The following DNAJC17 variants were observed in gnomAD, a reference collection of about 807,000 sequenced individuals.
The protein encoded by DNAJC17 is dnaJ homolog subfamily C member 17.
A neutral mutation model predicts 48.1 loss-of-function variants in DNAJC17; 35 were observed. The ratio of observed to expected loss-of-function variants is 0.73; its 90% confidence interval spans 0.56 to 0.96. DNAJC17 has a LOEUF of 0.96. DNAJC17 is among the 50% of genes least tolerant of loss of function. The pLI is 0.00. For synonymous variants in DNAJC17, 117 were observed against 142.7 expected, an observed-to-expected ratio of 0.82 and a Z score of 1.28; for missense variants, 355 against 377.1, an observed-to-expected ratio of 0.94 and a Z score of 0.48.
Position 40,775,537 on chromosome 15 carries a change from T to C in DNAJC17, c.522+16A>G. 1 of 1,613,498 alleles carries C rather than the reference T, an allele frequency of 6.2e-7. No homozygotes were observed. Among genetic ancestry groups the C allele is most frequent in the South Asian group, 1.1e-5 (1 of 91,042 alleles). ...GTGTGAGTGTGAGGTGGCCCACAGA[T>C]CCTGCCCAGGCTCACCTTTAGTTTG... On this transcript the variant is annotated intron_variant, in intron 7 of 10. Coordinates refer to ENST00000220496, the MANE Select transcript of DNAJC17 (RefSeq NM_018163.3).
chr15:40,775,202 C>G, intron 7 of DNAJC17, 94 bp from the exon 8 acceptor site: 1 of 1,314,452 alleles, frequency 7.6e-7, no homozygotes, highest in Non-Finnish European at 1.1e-6. Flanking sequence ...TCCTCCCACC[C>G]TCCAAGCCTC....
chr15:40,768,075 GCAGGGACAGGGAGGGGT>G lies in DNAJC17; in HGVS notation c.793-30_793-14del, dbSNP rs752093384. 5 of 1,536,922 alleles carry G rather than the reference GCAGGGACAGGGAGGGGT, an allele frequency of 3.3e-6. No homozygotes were observed. The African/African-American group carries it at 4.2e-5, about 13-fold the overall frequency. The stretch of plus-strand genomic sequence containing the variant: ...ACAGCACTGAGCCCTGTCGGACAGG[GCAGGGACAGGGAGGGGT>G]CAGGGACAGCAGGGCACAGCCTCAC... On this transcript the variant is annotated splice_polypyrimidine_tract_variant and intron_variant, in intron 10 of 10. Transcript: ENST00000220496.
chr15:40,780,636 A>G, intron 1 of DNAJC17: 1 of 317,836 alleles, frequency 3.1e-6, no homozygotes, highest in Non-Finnish European at 6.2e-6. Flanking sequence ...TAACATAGTG[A>G]AACTCCATCT....
intron 10 of DNAJC17, chr15:40,771,345 C>T: frequency 2.6e-6 from 1 of 390,000 alleles, no homozygotes; most frequent in Non-Finnish European, 4.9e-6. Context: ...CTCTGTGCGG[C>T]ACTACAGGAA....
At chr15:40,804,402 A>AC (rs1890150714) in intron 1 of DNAJC17, among the ~76,000 whole-genome samples, 2 of 149,608 alleles carry the variant, frequency 1.3e-5, no homozygotes, top group South Asian at 2.1e-4. Context: ...ATATAGCTGG[A>AC]CCCCGTCTCT....
rs1347703158 is a variant in DNAJC17, at chr15:40,765,664, C to T, written c.*2276G>A. On this transcript the variant is annotated 3_prime_UTR_variant, in exon 11 of 11. Transcript: ENST00000220496. ...TGCTCCTCCTGATCATTGATGGGCTCCACCCCTTCACAGCTTGTGCTCAGC... is the reference window on the plus strand; with the variant it reads ...TGCTCCTCCTGATCATTGATGGGCTTCACCCCTTCACAGCTTGTGCTCAGC... 4.9e-6 allele frequency: 2 copies of T among 412,120 alleles called. No individual in the cohort carries two copies. The highest frequency in any genetic ancestry group is 8.7e-6 in the Non-Finnish European group (2 of 230,682). 25.5% of individuals were successfully genotyped at this position (412,120 alleles called of 1,614,324 possible). A position where few individuals can be genotyped will look rare whatever the true frequency, so the allele number is the denominator to read the frequency against.
intron 1 of DNAJC17, among the ~76,000 whole-genome samples, chr15:40,787,915 A>C (rs1396074891): frequency 6.6e-6 from 1 of 152,216 alleles, no homozygotes; most frequent in African/African-American, 2.4e-5. Flanking sequence ...TATTTTTTAA[A>C]AGGTTGCTGT....
chr15:40,774,419 G>T lies in DNAJC17; in HGVS notation c.618C>A (p.Asn206Lys), dbSNP rs1047029408. 5 of 1,614,048 alleles carry T rather than the reference G, an allele frequency of 3.1e-6. No individual in the cohort carries two copies. ...RLLQKYGEVL[N>K]LVLSSKKPGT... The stretch of plus-strand genomic sequence containing the variant: ...CTGGCTTCTTACTGGAAAGCACCAG[G>T]TTGAGAACCTCACCATACTGTGGGG... The change falls in exon 9 of 11, where the codon AAC (asparagine) becomes AAA (lysine). Residue 206 changes from asparagine to lysine, a missense_variant. This residue lies in a region of DNAJC17 where 68 missense variants were observed against 109.5 expected (regional missense o/e 0.62). Coordinates refer to ENST00000220496, the MANE Select transcript of DNAJC17 (RefSeq NM_018163.3).
chr15:40,792,580 C>A (rs578030794), intron 1 of DNAJC17: 31 of 968,084 alleles, frequency 3.2e-5, no homozygotes, highest in Non-Finnish European at 3.8e-5. Context: ...TTTGGGAGGC[C>A]GAGGCAGGAG....
At chr15:40,791,786 A>G (rs1341624903) in intron 1 of DNAJC17, among the ~76,000 whole-genome samples, 1 of 152,198 alleles carries the variant, frequency 6.6e-6, no homozygotes, top group African/African-American at 2.4e-5. Context: ...CGGAGGTTGC[A>G]GTGAGCCAAG....
In DNAJC17 at chr15:40,768,007, T is replaced by C. The variant is rs1265745357; in HGVS notation, c.848A>G (p.Gln283Arg). The C allele has an allele frequency of 6.2e-7, 1 of 1,604,366 alleles. No homozygotes were observed. Among genetic ancestry groups the C allele is most frequent in the African/African-American group, 1.3e-5 (1 of 74,162 alleles). ...YESLVMMRMR[Q>R]AAERQQLIAR... ...GATCAGCTGTTGCCGCTCGGCCGCC[T>C]GGCGCATGCGCATCATGACGAGGCT... The change falls in exon 11 of 11, where the codon CAG (glutamine) becomes CGG (arginine). Residue 283 changes from glutamine (Q) to arginine (R), a missense_variant. Transcript: ENST00000220496.
intron 1 of DNAJC17, among the ~76,000 whole-genome samples, chr15:40,803,045 G>T (rs1890113163): frequency 6.6e-6 from 1 of 150,884 alleles, no homozygotes; most frequent in Non-Finnish European, 1.5e-5. Context: ...AGAGTTTGCA[G>T]TGAGCAGTAA....
intron 1 of DNAJC17, among the ~76,000 whole-genome samples, chr15:40,789,010 C>T (rs1889722793): frequency 6.6e-6 from 1 of 152,192 alleles, no homozygotes; most frequent in Admixed American, 6.5e-5. Context: ...TGGGCTGCTC[C>T]CAAGGCTTGG....
chr15:40,781,761 A>T (rs1889497098), intron 1 of DNAJC17, among the ~76,000 whole-genome samples: 1 of 150,436 alleles, frequency 6.6e-6, no homozygotes, highest in Admixed American at 6.6e-5. Flanking sequence ...CTCTACTAAA[A>T]ATACAAAAAA....
chr15:40,798,865 C>T (rs184968066), intron 1 of DNAJC17, among the ~76,000 whole-genome samples: 1 of 152,144 alleles, frequency 6.6e-6, no homozygotes, highest in African/African-American at 2.4e-5. Context: ...CGTTAACTCA[C>T]GACTTAATCC....
At chr15:40,789,939 A>AAAGAAATG (rs1889752324) in intron 1 of DNAJC17, among the ~76,000 whole-genome samples, 1 of 151,046 alleles carries the variant, frequency 6.6e-6, no homozygotes, top group South Asian at 2.1e-4. Context: ...AAAGAAAAGA[A>AAAGAAATG]AAGAAATGAG....
intron 10 of DNAJC17, 21 bp downstream of exon 10, chr15:40,773,706 G>C: frequency 1.9e-6 from 3 of 1,594,754 alleles, no homozygotes; most frequent in Non-Finnish European, 2.6e-6. Context: ...GCGCCCAGCC[G>C]GGCGAGGCCT....
At chr15:40,793,594 C>T (rs1481192055) in intron 1 of DNAJC17, among the ~76,000 whole-genome samples, 4 of 152,020 alleles carry the variant, frequency 2.6e-5, no homozygotes, top group African/African-American at 9.7e-5. Flanking sequence ...ACTAATGTGT[C>T]AGGAATGGAG....
intron 3 of DNAJC17, 79 bp downstream of exon 3, chr15:40,779,466 A>C (rs1003095558): frequency 2.1e-4 from 327 of 1,590,790 alleles, no homozygotes; most frequent in Non-Finnish European, 2.8e-4. Flanking sequence ...CACATGGCAA[A>C]GGGCAGAGGA....
Sources: allele counts gnomAD v4.1 joint callset (sites outside exome capture counted in the v4.1 genomes callset), GRCh38; gene constraint gnomAD v4.1.1; regional missense constraint gnomAD v4.1.1; transcripts MANE v1.5; gene names NCBI Gene and HGNC (gene_info 2026-07-23, HGNC 2026-07-21).